Variants in ARHGAP18 observed in about 807,000 individuals in gnomAD.
The protein encoded by ARHGAP18 is Rho GTPase activating protein 18, also known as rho GTPase-activating protein 18.
Under a neutral mutation model 86.2 loss-of-function variants are expected in ARHGAP18, and 67 were observed. That is an observed-to-expected ratio of 0.78 (90% CI 0.64 to 0.95). ARHGAP18 has a LOEUF of 0.95. ARHGAP18 is among the 40% of genes least tolerant of loss of function. The probability of loss-of-function intolerance (pLI) is 0.00; values close to 1 mark genes in which losing one functional copy is unlikely to be tolerated. For missense variants in ARHGAP18, 691 were observed against 780.4 expected (o/e 0.89, Z 1.37); for synonymous variants, 283 against 280.4 (o/e 1.01, Z -0.09).
At chr6:129,597,662 A>C (rs1788641627) in intron 12 of ARHGAP18, among the ~76,000 whole-genome samples, 1 of 152,046 alleles carries the variant, frequency 6.6e-6, no homozygotes, top group Non-Finnish European at 1.5e-5. Flanking sequence ...CCTAACATAA[A>C]GTGGGGGCCT....
intron 2 of ARHGAP18, 87 bp downstream of exon 2, chr6:129,641,728 AT>A (rs141525787): frequency 2.3e-3 from 2,678 of 1,145,080 alleles, no homozygotes; most frequent in Middle Eastern, 3.1e-3. Flanking sequence ...CCTAGCTTTA[AT>A]TTTTTTTTTG....
chr6:129,707,841 T>G (rs1418794228), intron 1 of ARHGAP18, among the ~76,000 whole-genome samples: 4 of 151,906 alleles, frequency 2.6e-5, no homozygotes, highest in Non-Finnish European at 2.9e-5. Context: ...TGTTTTTACT[T>G]TTTGGAGAAC....
intron 3 of ARHGAP18, among the ~76,000 whole-genome samples, chr6:129,636,343 CAA>C (rs976511057): frequency 3.3e-5 from 5 of 152,160 alleles, no homozygotes; most frequent in Admixed American, 6.5e-5. Flanking sequence ...CTACAAAAAG[CAA>C]AAGAGTGTCT....
rs147420008 is a variant in ARHGAP18, at chr6:129,609,509, C to T, written c.1123-1457G>A. Reference sequence around the variant, plus strand: ...CCATTGCAGTCTGCTAGTGAGGGCCCGAGTGCTTTGAACTCGGTGAATTGA... The same window carrying T: ...CCATTGCAGTCTGCTAGTGAGGGCCTGAGTGCTTTGAACTCGGTGAATTGA... On this transcript the variant is annotated intron_variant, in intron 8 of 14. Transcript: ENST00000368149. Among the ~76,000 whole-genome samples the T allele has an allele frequency of 3.2e-4, 48 of 152,170 alleles. No homozygotes were observed. The East Asian group carries it at 8.1e-3, about 26-fold the overall frequency.
intron 4 of ARHGAP18, among the ~76,000 whole-genome samples, chr6:129,633,738 T>C (rs1047227195): frequency 6.6e-6 from 1 of 152,256 alleles, no homozygotes; most frequent in African/African-American, 2.4e-5. Context: ...TTAAGAACAA[T>C]AACCATTACA....
At chr6:129,647,957 G>A (rs1380471859) in intron 1 of ARHGAP18, among the ~76,000 whole-genome samples, 1 of 152,076 alleles carries the variant, frequency 6.6e-6, no homozygotes, top group Non-Finnish European at 1.5e-5. Context: ...AGACTAAAAA[G>A]GATAGGATTT....
intron 12 of ARHGAP18, among the ~76,000 whole-genome samples, chr6:129,590,591 G>A (rs1364155020): frequency 6.6e-6 from 1 of 152,164 alleles, no homozygotes; most frequent in Non-Finnish European, 1.5e-5. Flanking sequence ...AATGAGCAGA[G>A]GATGAGGTTA....
intron 9 of ARHGAP18, among the ~76,000 whole-genome samples, chr6:129,606,956 G>A (rs1244360343): frequency 6.6e-6 from 1 of 151,796 alleles, no homozygotes; most frequent in African/African-American, 2.4e-5. Context: ...CACCTCTCAG[G>A]TTCAAGTGAT....
At chr6:129,578,654 GCA>G in intron 14 of ARHGAP18, 50 bp from the exon 15 acceptor site, 2 of 1,446,382 alleles carry the variant, frequency 1.4e-6, no homozygotes, top group Non-Finnish European at 1.9e-6. Flanking sequence ...AGATTGGTAT[GCA>G]ATTTTAAACT....
At chr6:129,612,128 C>T (rs1455814196) in intron 7 of ARHGAP18, among the ~76,000 whole-genome samples, 1 of 152,126 alleles carries the variant, frequency 6.6e-6, no homozygotes, top group African/African-American at 2.4e-5. Flanking sequence ...TAAGTCATAC[C>T]TGATGCCCAA....
At chr6:129,590,076 C>A (rs1029959988) in intron 12 of ARHGAP18, among the ~76,000 whole-genome samples, 1 of 152,224 alleles carries the variant, frequency 6.6e-6, no homozygotes, top group Admixed American at 6.5e-5. Context: ...TCTAGCCATG[C>A]TGGCAGCTGA....
In ARHGAP18 at chr6:129,707,281, A is replaced by G. The variant is rs1201086285; in HGVS notation, c.113+2743T>C. Among the ~76,000 whole-genome samples, 3 of 152,150 alleles carry G rather than the reference A, an allele frequency of 2.0e-5. No homozygotes were observed. In the East Asian group the frequency reaches 5.8e-4, roughly 29 times the overall value. On this transcript the variant is annotated intron_variant, in intron 1 of 14. Coordinates refer to ENST00000368149, the MANE Select transcript of ARHGAP18 (RefSeq NM_033515.3). ...TCAATAAATACGCTAAGTCATACAC[A>G]TATGTATAAATGGCATTATAAAGAC...
In ARHGAP18 at chr6:129,598,941, G is replaced by GGTGTGTGT. The variant is rs71028166; in HGVS notation, c.1713+267_1713+274dup. On this transcript the variant is annotated intron_variant, in intron 12 of 14. Coordinates refer to ENST00000368149, the MANE Select transcript of ARHGAP18 (RefSeq NM_033515.3). ...GTAGAGGTAGGGGTAGGGGTGTAGG[G>GGTGTGTGT]GTGTGTGTGTGTGTGTGTGTTCAGT... The GGTGTGTGT allele has an allele frequency of 2.7e-3, 568 of 212,606 alleles. 5 individuals are homozygous for GGTGTGTGT. The highest frequency in any genetic ancestry group is 0.011 in the African/African-American group (479 of 43,098). 13.2% of individuals were successfully genotyped at this position (212,606 alleles called of 1,614,324 possible). A position where few individuals can be genotyped will look rare whatever the true frequency, so the allele number is the denominator to read the frequency against.
chr6:129,625,054 T>TATATATTTATATATAATATATATGATATA lies in ARHGAP18; in HGVS notation c.786+4298_786+4299insTATATCATATATATTATATATAAATATAT, dbSNP rs113601462. Among the ~76,000 whole-genome samples the TATATATTTATATATAATATATATGATATA allele has an allele frequency of 2.5e-4, 14 of 55,838 alleles. 2 individuals are homozygous for TATATATTTATATATAATATATATGATATA. Among genetic ancestry groups the TATATATTTATATATAATATATATGATATA allele is most frequent in the African/African-American group, 6.6e-4 (10 of 15,122 alleles). The allele number at this position is 55,838 out of a possible 152,430, so 36.6% of individuals were successfully genotyped here. ...ATATATATTTATATAATATATATGA[T>TATATATTTATATATAATATATATGATATA]TGATATATATTTATATATAATATAT... On this transcript the variant is annotated intron_variant, in intron 5 of 14. Coordinates refer to ENST00000368149, the MANE Select transcript of ARHGAP18 (RefSeq NM_033515.3).
chr6:129,667,379 C>T (rs1433714987), intron 1 of ARHGAP18, among the ~76,000 whole-genome samples: 1 of 151,458 alleles, frequency 6.6e-6, no homozygotes, highest in Non-Finnish European at 1.5e-5. Context: ...TTAATAAATG[C>T]TTTCTGCACA....
chr6:129,644,996 C>A (rs376496932), intron 1 of ARHGAP18, among the ~76,000 whole-genome samples: 1 of 152,012 alleles, frequency 6.6e-6, no homozygotes, highest in African/African-American at 2.4e-5. Flanking sequence ...GAGGAATTTT[C>A]TTTTTCTTTT....
intron 2 of ARHGAP18, among the ~76,000 whole-genome samples, chr6:129,639,053 C>G (rs957696831): frequency 2.6e-5 from 4 of 152,164 alleles, no homozygotes; most frequent in Admixed American, 1.3e-4. Flanking sequence ...TTATGGAAAG[C>G]CTTGTTTTCT....
chr6:129,577,204 A>G lies in ARHGAP18; in HGVS notation c.*1309T>C, dbSNP rs368488473. 5 of 152,168 alleles carry G rather than the reference A, an allele frequency of 3.3e-5. No homozygotes were observed. The highest frequency in any genetic ancestry group is 1.2e-4 in the African/African-American group (5 of 41,454). The allele number at this position is 152,168 out of a possible 1,614,324, so 9.4% of individuals were successfully genotyped here. On this transcript the variant is annotated 3_prime_UTR_variant, in exon 15 of 15. Coordinates refer to ENST00000368149, the MANE Select transcript of ARHGAP18 (RefSeq NM_033515.3). ...ATCATATCCACAGGCTGTTCTTGTAATTATATGCTAAAAATTTATGACTGT... is the reference window on the plus strand; with the variant it reads ...ATCATATCCACAGGCTGTTCTTGTAGTTATATGCTAAAAATTTATGACTGT...
chr6:129,685,502 C>T (rs1355861459), intron 1 of ARHGAP18, among the ~76,000 whole-genome samples: 4 of 150,348 alleles, frequency 2.7e-5, no homozygotes, highest in South Asian at 4.2e-4. Flanking sequence ...AGCAAGACTC[C>T]GTCTAAAAAA....
Sources: gnomAD v4.1 joint callset for allele counts (sites outside exome capture counted in the v4.1 genomes callset) on GRCh38, gnomAD v4.1.1 for gene constraint, MANE v1.5 for transcripts, NCBI Gene and HGNC (gene_info 2026-07-23, HGNC 2026-07-21) for gene names.